Variants in GNG12 observed in about 807,000 individuals in gnomAD.
GNG12 encodes the protein G protein subunit gamma 12, also known as guanine nucleotide-binding protein G(I)/G(S)/G(O) subunit gamma-12.
For synonymous variants in GNG12, 28 were observed against 29.7 expected (o/e 0.94, Z 0.19); for missense variants, 69 against 83.8 (o/e 0.82, Z 0.69).
chr1:67,817,354 C>T (rs1646958721), intron 1 of GNG12, among the ~76,000 whole-genome samples: 1 of 152,224 alleles, frequency 6.6e-6, no homozygotes, highest in African/African-American at 2.4e-5. Context: ...TAGGTAAGTA[C>T]TGCTTTCCCC....
intron 2 of GNG12, among the ~76,000 whole-genome samples, chr1:67,721,984 CAGA>C (rs1305532061): frequency 1.3e-5 from 2 of 152,012 alleles, no homozygotes; most frequent in African/African-American, 4.8e-5. Context: ...GCTGACAAAG[CAGA>C]AGAACACAGA....
intron 2 of GNG12, among the ~76,000 whole-genome samples, chr1:67,755,086 A>G (rs1438772233): frequency 1.3e-5 from 2 of 152,242 alleles, no homozygotes; most frequent in South Asian, 4.1e-4. Context: ...CATAAGAAAC[A>G]GTTCTTTATC....
chr1:67,771,933 C>T (rs1038564987), intron 2 of GNG12, among the ~76,000 whole-genome samples: 1 of 152,210 alleles, frequency 6.6e-6, no homozygotes, highest in Non-Finnish European at 1.5e-5. Flanking sequence ...ATGCAACATG[C>T]TCAGCCACTG....
intron 2 of GNG12, among the ~76,000 whole-genome samples, chr1:67,736,233 G>A (rs1220688960): frequency 1.3e-5 from 2 of 151,998 alleles, no homozygotes; most frequent in Non-Finnish European, 1.5e-5. Context: ...CTGACACAAC[G>A]CCCACCTCTT....
At chr1:67,766,106 G>GCACACACGCACA (rs1646636205) in intron 2 of GNG12, among the ~76,000 whole-genome samples, 1 of 139,836 alleles carries the variant, frequency 7.2e-6, no homozygotes, top group Admixed American at 7.1e-5. Context: ...AGGCACACAC[G>GCACACACGCACA]CACACACACA....
chr1:67,783,246 G>C (rs1301031834), intron 1 of GNG12, among the ~76,000 whole-genome samples: 2 of 152,130 alleles, frequency 1.3e-5, no homozygotes, highest in East Asian at 3.8e-4. Flanking sequence ...ATCCCCTAAT[G>C]CTGGATAGTT....
At position 67,789,508 on chromosome 1, in the gene GNG12, T is replaced by C. The variant is rs374531515; in HGVS notation, c.-76-12001A>G. 1.5e-3 allele frequency among the ~76,000 whole-genome samples: 221 copies of C among 152,318 alleles called. 8 individuals carry two copies. In the South Asian group the frequency reaches 0.045, roughly 31 times the overall value. ...ATGATTCCTCTAAAAGTTCCGGTTT[T>C]ATTGGAGTAGTCAAGGTAACTGAGA... On this transcript the variant is annotated intron_variant, in intron 1 of 3. Transcript: ENST00000370982.
chr1:67,787,007 CTG>C (rs568284069), intron 1 of GNG12, among the ~76,000 whole-genome samples: 10 of 121,972 alleles, frequency 8.2e-5, no homozygotes, highest in Non-Finnish European at 1.2e-4. Context: ...ATGTGTATAT[CTG>C]TGTGTGTGTA....
intron 1 of GNG12, among the ~76,000 whole-genome samples, chr1:67,781,449 T>C (rs1646737040): frequency 6.6e-6 from 1 of 152,186 alleles, no homozygotes; most frequent in African/African-American, 2.4e-5. Flanking sequence ...ATGAAGTATA[T>C]TACATTCTTG....
intron 2 of GNG12, among the ~76,000 whole-genome samples, chr1:67,754,012 C>T (rs763264632): frequency 3.3e-5 from 5 of 152,194 alleles, no homozygotes; most frequent in Non-Finnish European, 5.9e-5. Flanking sequence ...GCATGCCCTG[C>T]CCCTTTGGCC....
chr1:67,741,919 G>A (rs1460732331), intron 2 of GNG12, among the ~76,000 whole-genome samples: 2 of 152,248 alleles, frequency 1.3e-5, no homozygotes, highest in Non-Finnish European at 2.9e-5. Context: ...CTGAGTAGCA[G>A]ATGCACTTGG....
At chr1:67,790,026 A>G (rs920343295) in intron 1 of GNG12, among the ~76,000 whole-genome samples, 1 of 152,254 alleles carries the variant, frequency 6.6e-6, no homozygotes, top group Non-Finnish European at 1.5e-5. Flanking sequence ...TAAGATATAC[A>G]GATTCTAAGG....
intron 2 of GNG12, among the ~76,000 whole-genome samples, chr1:67,743,958 TAGTA>T (rs892362863): frequency 6.6e-6 from 1 of 152,210 alleles, no homozygotes; most frequent in Admixed American, 6.5e-5. Context: ...AGAAATAACA[TAGTA>T]AGCCACTTGG....
intron 1 of GNG12, among the ~76,000 whole-genome samples, chr1:67,796,025 CCTT>C (rs1646829594): frequency 6.6e-6 from 1 of 152,122 alleles, no homozygotes; most frequent in Non-Finnish European, 1.5e-5. Flanking sequence ...ATCTCCATAC[CCTT>C]CTTATGATCG....
At chr1:67,809,636 T>C (rs923607780) in intron 1 of GNG12, among the ~76,000 whole-genome samples, 2 of 152,098 alleles carry the variant, frequency 1.3e-5, no homozygotes, top group Non-Finnish European at 2.9e-5. Flanking sequence ...AACATATACC[T>C]CACCAAAGAA....
At chr1:67,824,705 T>C (rs1287130089) in intron 1 of GNG12, among the ~76,000 whole-genome samples, 1 of 152,108 alleles carries the variant, frequency 6.6e-6, no homozygotes, top group Non-Finnish European at 1.5e-5. Context: ...AAGATTGGCA[T>C]GGAAGAGATA....
At chr1:67,793,185 G>A (rs1006924129) in intron 1 of GNG12, among the ~76,000 whole-genome samples, 1 of 152,146 alleles carries the variant, frequency 6.6e-6, no homozygotes, top group Non-Finnish European at 1.5e-5. Flanking sequence ...GAATCATTGT[G>A]TAAAAATAGG....
intron 1 of GNG12, among the ~76,000 whole-genome samples, chr1:67,827,964 C>T (rs1647021155): frequency 6.6e-6 from 1 of 152,208 alleles, no homozygotes; most frequent in African/African-American, 2.4e-5. Flanking sequence ...AAGTCACCTC[C>T]ACCATCTGCC....
chr1:67,722,757 G>A (rs1418385624), intron 2 of GNG12, among the ~76,000 whole-genome samples: 1 of 152,178 alleles, frequency 6.6e-6, no homozygotes, highest in Non-Finnish European at 1.5e-5. Flanking sequence ...AAATGATTGA[G>A]CAACCTCCTA....
Sources: allele counts gnomAD v4.1 joint callset (sites outside exome capture counted in the v4.1 genomes callset), GRCh38; gene constraint gnomAD v4.1.1; transcripts MANE v1.5; gene names NCBI Gene and HGNC (gene_info 2026-07-23, HGNC 2026-07-21).